The following ANKS6 variants were observed in gnomAD, a reference collection of about 807,000 sequenced individuals.
The protein encoded by ANKS6 is ankyrin repeat and SAM domain-containing protein 6.
Under a neutral mutation model 77.9 loss-of-function variants are expected in ANKS6, and 47 were observed. The ratio of observed to expected loss-of-function variants is 0.60; its 90% CI spans 0.48 to 0.77. ANKS6 has a LOEUF of 0.77. Ranked by LOEUF, ANKS6 falls within the 30% of genes least tolerant of loss-of-function variation. The probability of loss-of-function intolerance (pLI) is 0.00; values close to 1 mark genes in which losing one functional copy is unlikely to be tolerated. For synonymous variants in ANKS6, 488 were observed against 501.7 expected (o/e 0.97, Z 0.37); for missense variants, 1,150 against 1,159.1 (o/e 0.99, Z 0.11).
In ANKS6 at chr9:98,739,758, A is replaced by ATTTTTTTTTTTTTTTTTT. The variant is rs749499336; in HGVS notation, c.2512-3136_2512-3135insAAAAAAAAAAAAAAAAAA. ...CTCAGAGGGCAGCAGTGGATTAAAC[A>ATTTTTTTTTTTTTTTTTT]TTTTTTTTTTTTTTTTGAGACGGAG... is the stretch of plus-strand genomic sequence containing the variant. On this transcript the variant is annotated intron_variant, in intron 14 of 14. Coordinates refer to ENST00000353234, the MANE Select transcript of ANKS6 (RefSeq NM_173551.5). 1.3e-3 allele frequency among the ~76,000 whole-genome samples: 114 copies of ATTTTTTTTTTTTTTTTTT among 88,852 alleles called. 22 individuals are homozygous for ATTTTTTTTTTTTTTTTTT. The highest frequency in any genetic ancestry group is 7.4e-3 in the South Asian group (19 of 2,562). 58.3% of individuals were successfully genotyped at this position (88,852 alleles called of 152,430 possible). A position where few individuals can be genotyped will look rare whatever the true frequency, so the allele number is the denominator to read the frequency against.
At chr9:98,776,200 T>C (rs2118069434) in intron 8 of ANKS6, among the ~76,000 whole-genome samples, 1 of 152,278 alleles carries the variant, frequency 6.6e-6, no homozygotes, top group Middle Eastern at 3.4e-3. Flanking sequence ...AAGAACTTCC[T>C]GGGAGTGATC....
Position 98,734,284 on chromosome 9 carries a change from C to G in ANKS6, c.*2235G>C. On this transcript the variant is annotated 3_prime_UTR_variant, in exon 15 of 15. Coordinates refer to ENST00000353234, the MANE Select transcript of ANKS6 (RefSeq NM_173551.5). The stretch of plus-strand genomic sequence containing the variant: ...TCTGCAAAATGGGAATAGCCCCGCT[C>G]TGTCCAGGGTCATCCAATGAGTTCA... 1 of 985,510 alleles carries G rather than the reference C, an allele frequency of 1.0e-6. No homozygotes were observed. The highest frequency in any genetic ancestry group is 1.2e-6 in the Non-Finnish European group (1 of 830,018). The allele number at this position is 985,510 out of a possible 1,614,324, so 61.0% of individuals were successfully genotyped here. A position where few individuals can be genotyped will look rare whatever the true frequency, so the allele number is the denominator to read the frequency against.
In ANKS6 at chr9:98,768,995, C is replaced by G. The variant is rs377332163; in HGVS notation, c.1973-745G>C. Among the ~76,000 whole-genome samples, 35 of 151,826 alleles carry G rather than the reference C, an allele frequency of 2.3e-4. 1 individual carries two copies. In the South Asian group the frequency reaches 7.3e-3, roughly 32 times the overall value. On this transcript the variant is annotated intron_variant, in intron 10 of 14. Coordinates refer to ENST00000353234, the MANE Select transcript of ANKS6 (RefSeq NM_173551.5). Reference sequence around the variant, plus strand: ...ATAAAAAATTAGCTGGGTGTGGTGGCGGGCACCTGTAATCCCAGCTACTTG... The same window carrying G: ...ATAAAAAATTAGCTGGGTGTGGTGGGGGGCACCTGTAATCCCAGCTACTTG...
rs1834899376 is a variant in ANKS6 at position 98,791,424 on chromosome 9, C to A, written c.360-818G>T. Among the ~76,000 whole-genome samples the A allele has an allele frequency of 6.6e-6, 1 of 152,178 alleles. No individual in the cohort carries two copies. The highest frequency in any genetic ancestry group is 2.4e-5 in the African/African-American group (1 of 41,434). ...CCTCAATGAAGTCACTGCTGGGCCC[C>A]TGAAGAGAAAGATCTGCACCCACCA... is the stretch of plus-strand genomic sequence containing the variant. On this transcript the variant is annotated intron_variant, in intron 1 of 14. Transcript: ENST00000353234. The surrounding 1 kb of genome is among the most constrained non-coding windows in gnomAD (Gnocchi z 4.3).
In ANKS6 at chr9:98,733,316, C is replaced by T; in HGVS notation, c.*3203G>A. The stretch of plus-strand genomic sequence containing the variant: ...CGTGGCCAGCAGGGACTTGGACATC[C>T]AGCACTCACGACACACCAGCAAGAC... On this transcript the variant is annotated 3_prime_UTR_variant, in exon 15 of 15. Transcript: ENST00000353234. 2 of 985,510 alleles carry T rather than the reference C, an allele frequency of 2.0e-6. No homozygotes were observed. Among genetic ancestry groups the T allele is most frequent in the Non-Finnish European group, 2.4e-6 (2 of 830,000 alleles). The allele number at this position is 985,510 out of a possible 1,614,324, so 61.0% of individuals were successfully genotyped here.
intron 6 of ANKS6, among the ~76,000 whole-genome samples, chr9:98,779,671 T>C (rs1228849323): frequency 6.7e-6 from 1 of 149,712 alleles, no homozygotes; most frequent in African/African-American, 2.4e-5. Flanking sequence ...CAAGCTTTTT[T>C]CTTTTTTTTT....
rs1835119715 is a variant in ANKS6 at position 98,795,403 on chromosome 9, C to A, written c.359+730G>T. 2.0e-5 allele frequency among the ~76,000 whole-genome samples: 3 copies of A among 152,102 alleles called. No homozygotes were observed. In the South Asian group the frequency reaches 6.2e-4, roughly 32 times the overall value. On this transcript the variant is annotated intron_variant, in intron 1 of 14. Coordinates refer to ENST00000353234, the MANE Select transcript of ANKS6 (RefSeq NM_173551.5). ...CCTAGCACCTTCCATGACTCCCTAGCACCCTAGGATAGCTAGCGTTTCTCA... is the reference window on the plus strand; with the variant it reads ...CCTAGCACCTTCCATGACTCCCTAGAACCCTAGGATAGCTAGCGTTTCTCA...
chr9:98,742,025 C>T (rs1204856402), intron 14 of ANKS6, among the ~76,000 whole-genome samples: 1 of 152,214 alleles, frequency 6.6e-6, no homozygotes, highest in East Asian at 1.9e-4. Flanking sequence ...ACGTGCTGCT[C>T]ATGCCCCATT....
intron 5 of ANKS6, 101 bp from the exon 6 acceptor site, chr9:98,780,438 A>G: frequency 7.5e-7 from 1 of 1,336,234 alleles, no homozygotes; most frequent in Non-Finnish European, 1.0e-6. Context: ...TCAGCCCTGC[A>G]GCTCCAGGGT....
At chr9:98,740,740 G>T (rs1831782770) in intron 14 of ANKS6, among the ~76,000 whole-genome samples, 1 of 152,014 alleles carries the variant, frequency 6.6e-6, no homozygotes, top group Non-Finnish European at 1.5e-5. Flanking sequence ...AACAATAATT[G>T]CCCTTTAAAA....
chr9:98,786,794 C>G (rs553733835), intron 2 of ANKS6, among the ~76,000 whole-genome samples: 32 of 152,300 alleles, frequency 2.1e-4, no homozygotes, highest in Admixed American at 1.4e-3. Context: ...AGAGTGTCAC[C>G]TGGTCTTAGT....
chr9:98,733,005 C>T lies in ANKS6; in HGVS notation c.*3514G>A, dbSNP rs935290762. The T allele has an allele frequency of 3.2e-6, 3 of 943,346 alleles. No individual in the cohort carries two copies. The South Asian group carries it at 1.3e-4, about 42-fold the overall frequency. 58.4% of individuals were successfully genotyped at this position (943,346 alleles called of 1,614,324 possible). A position where few individuals can be genotyped will look rare whatever the true frequency, so the allele number is the denominator to read the frequency against. On this transcript the variant is annotated 3_prime_UTR_variant, in exon 15 of 15. Coordinates refer to ENST00000353234, the MANE Select transcript of ANKS6 (RefSeq NM_173551.5). ...TCCTCTGGGGCGTGCCCAGGCTGAG[C>T]CTGAGCCATCATCGATGACTTTCCC... is the stretch of plus-strand genomic sequence containing the variant.
chr9:98,751,796 C>T (rs1389656842), intron 12 of ANKS6, among the ~76,000 whole-genome samples: 1 of 152,184 alleles, frequency 6.6e-6, no homozygotes, highest in Non-Finnish European at 1.5e-5. Flanking sequence ...AGAAGGCTGA[C>T]AGAGGCCGGG....
At chr9:98,795,376 T>C (rs185417023) in intron 1 of ANKS6, among the ~76,000 whole-genome samples, 78 of 152,018 alleles carry the variant, frequency 5.1e-4, no homozygotes, top group African/African-American at 1.8e-3. Context: ...CTTCCATGAC[T>C]CCCTAGCACC....
At chr9:98,788,428 C>CATG (rs1554750024) in intron 2 of ANKS6, among the ~76,000 whole-genome samples, 1 of 152,002 alleles carries the variant, frequency 6.6e-6, no homozygotes, top group Non-Finnish European at 1.5e-5. Context: ...GTGTGCTGGG[C>CATG]ACGGCAGGGC....
At chr9:98,769,480 T>C (rs938210126) in intron 10 of ANKS6, among the ~76,000 whole-genome samples, 1 of 152,226 alleles carries the variant, frequency 6.6e-6, no homozygotes, top group Non-Finnish European at 1.5e-5. Flanking sequence ...CACAGGGAAT[T>C]GGTTAAATGA....
chr9:98,787,484 G>C (rs1442884975), intron 2 of ANKS6, among the ~76,000 whole-genome samples: 2 of 151,958 alleles, frequency 1.3e-5, no homozygotes, highest in Non-Finnish European at 2.9e-5. Flanking sequence ...AGGTCCTCAA[G>C]GTCAGGGATT....
chr9:98,734,652 T>G lies in ANKS6; in HGVS notation c.*1867A>C. ...CCAGATCTGCTCCTTCTGGGCTGTT[T>G]AACTGGCAAGCTGCTTCCCTCTCCT... On this transcript the variant is annotated 3_prime_UTR_variant, in exon 15 of 15. Coordinates refer to ENST00000353234, the MANE Select transcript of ANKS6 (RefSeq NM_173551.5). 1 of 948,150 alleles carries G rather than the reference T, an allele frequency of 1.1e-6. No individual in the cohort carries two copies. The highest frequency in any genetic ancestry group is 1.3e-6 in the Non-Finnish European group (1 of 796,170). 58.7% of individuals were successfully genotyped at this position (948,150 alleles called of 1,614,324 possible).
At chr9:98,750,287 T>C (rs1832358785) in intron 13 of ANKS6, among the ~76,000 whole-genome samples, 1 of 152,252 alleles carries the variant, frequency 6.6e-6, no homozygotes, top group Admixed American at 6.5e-5. Flanking sequence ...TACGTGCCTT[T>C]TGTGACTGGT....
Sources: gnomAD v4.1 joint callset for allele counts (sites outside exome capture counted in the v4.1 genomes callset) on GRCh38, gnomAD v4.1.1 for gene constraint, Gnocchi (gnomAD v3.1) non-coding constraint, MANE v1.5 for transcripts, NCBI Gene and HGNC (gene_info 2026-07-23, HGNC 2026-07-21) for gene names.